Variants in PAFAH1B2 observed in about 807,000 individuals in gnomAD.
PAFAH1B2 encodes the protein platelet-activating factor acetylhydrolase IB subunit alpha2.
Under a neutral mutation model 28.0 loss-of-function variants are expected in PAFAH1B2, and 8 were observed. The observed-to-expected ratio is 0.29, with a 90% CI of 0.17 to 0.52. The LOEUF is 0.52. PAFAH1B2 is among the 20% of genes least tolerant of loss of function. The pLI is 0.97. For synonymous variants in PAFAH1B2, 104 were observed against 103.2 expected (o/e 1.01, Z -0.05); for missense variants, 190 against 282.6 (o/e 0.67, Z 2.35).
intron 5 of PAFAH1B2, 81 bp from the exon 6 acceptor site, chr11:117,167,340 C>A: frequency 1.5e-6 from 2 of 1,369,798 alleles, no homozygotes; most frequent in African/African-American, 2.9e-5. Context: ...TGGAGATGTT[C>A]CAGGAATATC....
chr11:117,162,991 C>A (rs1289088893), intron 4 of PAFAH1B2, among the ~76,000 whole-genome samples: 1 of 152,088 alleles, frequency 6.6e-6, no homozygotes, highest in Admixed American at 6.5e-5. Flanking sequence ...TGTGCCTGGC[C>A]AGGTTTTATT....
intron 4 of PAFAH1B2, among the ~76,000 whole-genome samples, chr11:117,161,818 G>GATTTGAT (rs1956376612): frequency 1.3e-5 from 2 of 151,960 alleles, no homozygotes; most frequent in Non-Finnish European, 2.9e-5. Flanking sequence ...TGAAGGAAGA[G>GATTTGAT]ATTTGATGCT....
At position 117,170,229 on chromosome 11, in the gene PAFAH1B2, T is replaced by C. The variant is rs1257512487; in HGVS notation, c.*2530T>C. The C allele has an allele frequency of 7.5e-6, 8 of 1,060,416 alleles. No individual in the cohort carries two copies. The South Asian group carries it at 2.3e-4, about 30-fold the overall frequency. The allele number at this position is 1,060,416 out of a possible 1,614,324, so 65.7% of individuals were successfully genotyped here. The stretch of plus-strand genomic sequence containing the variant: ...TAAAAAATCTATAAATTTAATGCAC[T>C]GTCCAAGTGAAATGTCCTAGTTGTC... On this transcript the variant is annotated 3_prime_UTR_variant, in exon 6 of 6. Transcript: ENST00000527958.
rs535063951 is a variant in PAFAH1B2, at chr11:117,170,754, T to C, written c.*3055T>C. On this transcript the variant is annotated 3_prime_UTR_variant, in exon 6 of 6. Coordinates refer to ENST00000527958, the MANE Select transcript of PAFAH1B2 (RefSeq NM_002572.4). ...TGGTGTATGAGCATTGCCAACTTTATATTTATTGCAGTGAAGAAGAAACTA... is the reference window on the plus strand; with the variant it reads ...TGGTGTATGAGCATTGCCAACTTTACATTTATTGCAGTGAAGAAGAAACTA... 1.9e-6 allele frequency: 2 copies of C among 1,060,946 alleles called. No homozygotes were observed. The highest frequency in any genetic ancestry group is 9.1e-5 in the South Asian group (2 of 21,942). 65.7% of individuals were successfully genotyped at this position (1,060,946 alleles called of 1,614,324 possible). A position where few individuals can be genotyped will look rare whatever the true frequency, so the allele number is the denominator to read the frequency against.
rs530241864 is a variant in PAFAH1B2 at position 117,148,312 on chromosome 11, C to A, written c.-8+3894C>A. On this transcript the variant is annotated intron_variant, in intron 1 of 5. Coordinates refer to ENST00000527958, the MANE Select transcript of PAFAH1B2 (RefSeq NM_002572.4). ...AGGTGATCCTCCTGCCTCGGCCCCC[C>A]CAAAATGCTGGGATTACAGGTGTGA... 2.5e-4 allele frequency among the ~76,000 whole-genome samples: 38 copies of A among 152,214 alleles called. No individual in the cohort carries two copies. In the South Asian group the frequency reaches 4.6e-3, roughly 18 times the overall value.
downstream of PAFAH1B2, among the ~76,000 whole-genome samples, chr11:117,178,066 G>C (rs1326415002): frequency 6.6e-6 from 1 of 152,178 alleles, no homozygotes; most frequent in African/African-American, 2.4e-5. Context: ...TCCAGAAGTG[G>C]AATTACTGGA....
In PAFAH1B2 at chr11:117,168,445, C is replaced by CGTTTGTT. The variant is rs1359076423; in HGVS notation, c.*750_*751insGTTGTTT. ...TTCCCCTTCATTCCCCCCGCCACCCCGTTTTTTTTTTTTTTTTTTTTTTTT... is the reference window on the plus strand; with the variant it reads ...TTCCCCTTCATTCCCCCCGCCACCCCGTTTGTTGTTTTTTTTTTTTTTTTTTTTTTTT... On this transcript the variant is annotated 3_prime_UTR_variant, in exon 6 of 6. Transcript: ENST00000527958. 4,849 of 353,350 alleles carry CGTTTGTT rather than the reference C, an allele frequency of 0.014. 587 individuals are homozygous for CGTTTGTT. The highest frequency in any genetic ancestry group is 0.035 in the Admixed American group (123 of 3,544). 21.9% of individuals were successfully genotyped at this position (353,350 alleles called of 1,614,324 possible). A position where few individuals can be genotyped will look rare whatever the true frequency, so the allele number is the denominator to read the frequency against.
chr11:117,149,430 G>GTTTTGTTTTTTTTTTTTTT (rs1956092694), intron 1 of PAFAH1B2, among the ~76,000 whole-genome samples: 1 of 86,050 alleles, frequency 1.2e-5, no homozygotes, highest in Non-Finnish European at 2.2e-5. Context: ...TTTTCTAATC[G>GTTTTGTTTTTTTTTTTTTT]TTTTTTTTTT....
At chr11:117,156,981 C>T (rs1264086272) in intron 2 of PAFAH1B2, among the ~76,000 whole-genome samples, 1 of 149,634 alleles carries the variant, frequency 6.7e-6, no homozygotes, top group African/African-American at 2.5e-5. Flanking sequence ...TCATAGCTGC[C>T]ACTGTACTCC....
chr11:117,173,885 T>C (rs1956724380), downstream of PAFAH1B2, among the ~76,000 whole-genome samples: 4 of 152,192 alleles, frequency 2.6e-5, no homozygotes, highest in Admixed American at 2.6e-4. Context: ...TCTGGGACAA[T>C]TCTTTCTAAG....
chr11:117,163,927 C>G (rs771130020), intron 5 of PAFAH1B2, 35 bp downstream of exon 5: 30 of 1,602,956 alleles, frequency 1.9e-5, no homozygotes, highest in Non-Finnish European at 2.5e-5. Context: ...AGTTTGTTAT[C>G]TTTAGGTCAG....
chr11:117,168,602 C>G lies in PAFAH1B2; in HGVS notation c.*903C>G. Reference sequence around the variant, plus strand: ...ACTCATTCTTGTGTGGTGTTCTGTGCTATAGATTCTGTGTATTGCTGTTCA... The same window carrying G: ...ACTCATTCTTGTGTGGTGTTCTGTGGTATAGATTCTGTGTATTGCTGTTCA... On this transcript the variant is annotated 3_prime_UTR_variant, in exon 6 of 6. Transcript: ENST00000527958. 1 of 1,062,930 alleles carries G rather than the reference C, an allele frequency of 9.4e-7. No individual in the cohort carries two copies. Among genetic ancestry groups the G allele is most frequent in the Non-Finnish European group, 1.1e-6 (1 of 878,084 alleles). 65.8% of individuals were successfully genotyped at this position (1,062,930 alleles called of 1,614,324 possible). A position where few individuals can be genotyped will look rare whatever the true frequency, so the allele number is the denominator to read the frequency against.
At chr11:117,161,984 G>T (rs1956383349) in intron 4 of PAFAH1B2, among the ~76,000 whole-genome samples, 1 of 152,112 alleles carries the variant, frequency 6.6e-6, no homozygotes, top group South Asian at 2.1e-4. Flanking sequence ...AGGCCTGCAA[G>T]TTCATCTGAA....
downstream of PAFAH1B2, among the ~76,000 whole-genome samples, chr11:117,173,503 T>C (rs60830646): frequency 0.022 from 3,280 of 152,290 alleles, 120 homozygotes; most frequent in African/African-American, 0.071. Flanking sequence ...AGAACTTTTT[T>C]TTTCTTTTTT....
At chr11:117,171,598 C>T, downstream of PAFAH1B2, 2 of 884,596 alleles carry the variant, frequency 2.3e-6, no homozygotes, top group Non-Finnish European at 3.6e-6. Context: ...AGCACGGACT[C>T]ATTTATCACC....
downstream of PAFAH1B2, among the ~76,000 whole-genome samples, chr11:117,172,385 TATATATATATATATATATA>T (rs1956684222): frequency 0.071 from 154 of 2,182 alleles, 1 homozygote; most frequent in East Asian, 0.28. Flanking sequence ...TATATATATA[TATATATATATATATATATA>T]TTTTTTTTTT....
rs71469127 is a variant in PAFAH1B2 at position 117,168,446 on chromosome 11, GTTTTTTTTTTTTT to G, written c.*760_*772del. On this transcript the variant is annotated 3_prime_UTR_variant, in exon 6 of 6. Coordinates refer to ENST00000527958, the MANE Select transcript of PAFAH1B2 (RefSeq NM_002572.4). ...TCCCCTTCATTCCCCCCGCCACCCC[GTTTTTTTTTTTTT>G]TTTTTTTTTTTTGGTTCTTGTTGAC... 4 of 235,950 alleles carry G rather than the reference GTTTTTTTTTTTTT, an allele frequency of 1.7e-5. No individual in the cohort carries two copies. The South Asian group carries it at 6.2e-4, about 37-fold the overall frequency. 14.6% of individuals were successfully genotyped at this position (235,950 alleles called of 1,614,324 possible).
rs764014236 is a variant in PAFAH1B2 at position 117,163,844 on chromosome 11, T to C, written c.363T>C (p.Ile121=). 15 of 1,613,944 alleles carry C rather than the reference T, an allele frequency of 9.3e-6. No individual in the cohort carries two copies. The East Asian group carries it at 2.9e-4, about 31-fold the overall frequency. The change falls in exon 5 of 6, where the codon ATT becomes ATC. Residue 121 remains isoleucine (I), a synonymous_variant. Transcript: ENST00000527958. ...AAGTAGCAGGTGGGATCGAGGCCATTGTACAACTTATCAACACAAGGCAGC... is the reference window on the plus strand; with the variant it reads ...AAGTAGCAGGTGGGATCGAGGCCATCGTACAACTTATCAACACAAGGCAGC... ...AEEVAGGIEA[I]VQLINTRQPQ...
At chr11:117,163,925 A>G (rs191992231) in intron 5 of PAFAH1B2, 33 bp downstream of exon 5, 10 of 1,607,090 alleles carry the variant, frequency 6.2e-6, no homozygotes, top group Admixed American at 5.0e-5. Flanking sequence ...AGAGTTTGTT[A>G]TCTTTAGGTC....
Sources: gnomAD v4.1 joint callset for allele counts (sites outside exome capture counted in the v4.1 genomes callset) on GRCh38, gnomAD v4.1.1 for gene constraint, MANE v1.5 for transcripts, NCBI Gene and HGNC (gene_info 2026-07-23, HGNC 2026-07-21) for gene names.